Variants in NEK1 observed in about 807,000 individuals in gnomAD.
NEK1 encodes the protein serine/threonine-protein kinase Nek1.
A neutral mutation model predicts 182.1 loss-of-function variants in NEK1; 137 were observed. The ratio of observed to expected loss-of-function variants is 0.75; its 90% CI spans 0.65 to 0.87. NEK1 has a LOEUF of 0.87. NEK1 is among the 40% of genes least tolerant of loss of function. The pLI is 0.00. For synonymous variants in NEK1, 513 were observed against 492.2 expected (o/e 1.04, Z -0.56); for missense variants, 1,391 against 1,494.4 (o/e 0.93, Z 1.14).
chr4:169,566,062 G>A (rs752953959), intron 12 of NEK1, among the ~76,000 whole-genome samples: 4 of 152,076 alleles, frequency 2.6e-5, no homozygotes, highest in Non-Finnish European at 5.9e-5. Context: ...TTGACATGCT[G>A]CACAGGTTAA....
chr4:169,548,402 G>C (rs1316926182), intron 18 of NEK1, among the ~76,000 whole-genome samples: 1 of 152,144 alleles, frequency 6.6e-6, no homozygotes, highest in Non-Finnish European at 1.5e-5. Flanking sequence ...GAGTCTGTCG[G>C]CCCCTACTGG....
rs757861929 is a variant in NEK1, at chr4:169,479,496, T to C, written c.2046A>G (p.Pro682=). 5 of 1,610,978 alleles carry C rather than the reference T, an allele frequency of 3.1e-6. No homozygotes were observed. Among genetic ancestry groups the C allele is most frequent in the Non-Finnish European group, 4.2e-6 (5 of 1,178,744 alleles). The change falls in exon 24 of 36, where the codon CCA becomes CCG. Residue 682 remains proline, a synonymous_variant. Coordinates refer to ENST00000507142, the MANE Select transcript of NEK1 (RefSeq NM_001199397.3). ...CACCTGTTTCATGCTGTCCCAAAGG[T>C]GGAGAAACATCAGAACTCTTAACTC... ...AKGVKSSDVS[P]PLGQHETGGS...
rs117952929 is a variant in NEK1, at chr4:169,580,620, C to T, written c.868+222G>A. On this transcript the variant is annotated intron_variant, in intron 11 of 35. Coordinates refer to ENST00000507142, the MANE Select transcript of NEK1 (RefSeq NM_001199397.3). ...GGCATTTGATAAAGACATAAGATTT[C>T]AAGCCAGATTTCATTTAAATAAAAT... 3.0e-4 allele frequency among the ~76,000 whole-genome samples: 45 copies of T among 151,158 alleles called. 1 individual carries two copies. In the East Asian group the frequency reaches 8.3e-3, roughly 28 times the overall value.
chr4:169,507,445 G>A (rs925442269), intron 22 of NEK1, among the ~76,000 whole-genome samples: 4 of 151,660 alleles, frequency 2.6e-5, no homozygotes, highest in Admixed American at 6.6e-5. Flanking sequence ...ATGTATATTC[G>A]TATATTTTTT....
intron 16 of NEK1, among the ~76,000 whole-genome samples, chr4:169,558,354 T>C (rs1762438696): frequency 1.3e-5 from 2 of 152,322 alleles, no homozygotes; most frequent in South Asian, 2.1e-4. Context: ...TTCTGACAAA[T>C]GTAGACACTC....
At position 169,602,086 on chromosome 4, in the gene NEK1, CTCTT is replaced by C; in HGVS notation, c.132_135del (p.Arg45LysfsTer13). On this transcript the variant is annotated frameshift_variant, in exon 4 of 36. Transcript: ENST00000507142. LOFTEE classifies it high-confidence loss of function. ...ACTGCAACTTCTCTCCTTGATTCTT[CTCTT>C]TCTTTACTGGACATCTTAAATGGGA... is the stretch of plus-strand genomic sequence containing the variant. 6.2e-7 allele frequency: 1 copy of C among 1,612,722 alleles called. No homozygotes were observed. The highest frequency in any genetic ancestry group is 8.5e-7 in the Non-Finnish European group (1 of 1,178,976).
rs778428063 is a variant in NEK1, at chr4:169,602,669, A to AT, written c.-40dup. The AT allele has an allele frequency of 1.8e-6, 2 of 1,098,242 alleles. No individual in the cohort carries two copies. Among genetic ancestry groups the AT allele is most frequent in the Non-Finnish European group, 2.7e-6 (2 of 729,002 alleles). The allele number at this position is 1,098,242 out of a possible 1,614,324, so 68.0% of individuals were successfully genotyped here. ...AGGCATCTTTACAGATATGCTAGAC[A>AT]TTTAAAAAACTAACAAAAAAGATAA... On this transcript the variant is annotated 5_prime_UTR_variant, in exon 3 of 36. The change creates a new upstream start codon in the 5' untranslated region. Coordinates refer to ENST00000507142, the MANE Select transcript of NEK1 (RefSeq NM_001199397.3).
chr4:169,514,413 C>T (rs1754757584), intron 19 of NEK1, among the ~76,000 whole-genome samples: 1 of 152,192 alleles, frequency 6.6e-6, no homozygotes, highest in South Asian at 2.1e-4. Flanking sequence ...TCCACTACTA[C>T]TTCTGGGAAC....
At chr4:169,416,338 G>C (rs1011236393) in intron 31 of NEK1, among the ~76,000 whole-genome samples, 2 of 152,092 alleles carry the variant, frequency 1.3e-5, no homozygotes, top group East Asian at 3.8e-4. Context: ...TCCATTACAG[G>C]AATTATCATA....
At chr4:169,414,382 T>C (rs1734171770) in intron 31 of NEK1, among the ~76,000 whole-genome samples, 1 of 152,186 alleles carries the variant, frequency 6.6e-6, no homozygotes, top group Non-Finnish European at 1.5e-5. Flanking sequence ...TAGTAATCTC[T>C]TTCCAAAATT....
intron 29 of NEK1, among the ~76,000 whole-genome samples, chr4:169,429,278 C>T (rs1197047470): frequency 6.6e-6 from 1 of 152,110 alleles, no homozygotes; most frequent in Non-Finnish European, 1.5e-5. Flanking sequence ...TAGACTGTTG[C>T]AAATTATTGG....
intron 27 of NEK1, among the ~76,000 whole-genome samples, chr4:169,449,469 A>T (rs2149460759): frequency 6.6e-6 from 1 of 152,338 alleles, no homozygotes; most frequent in South Asian, 2.1e-4. Flanking sequence ...AGGAAGGATC[A>T]GGCAGCAATA....
chr4:169,473,822 C>A (rs966197457), intron 26 of NEK1, among the ~76,000 whole-genome samples: 6 of 152,034 alleles, frequency 3.9e-5, no homozygotes. Context: ...AGCACACGTG[C>A]GTGTGGGTAT....
At chr4:169,590,304 G>A (rs1370086401) in intron 6 of NEK1, among the ~76,000 whole-genome samples, 2 of 146,798 alleles carry the variant, frequency 1.4e-5, no homozygotes, top group African/African-American at 5.4e-5. Flanking sequence ...GCGAGACTCC[G>A]TCTCAAAAAC....
At chr4:169,595,381 T>A (rs2150113455) in intron 5 of NEK1, among the ~76,000 whole-genome samples, 1 of 152,336 alleles carries the variant, frequency 6.6e-6, no homozygotes, top group Non-Finnish European at 1.5e-5. Context: ...CAATTTAGAT[T>A]ATGTTTTTAT....
chr4:169,566,592 A>G (rs1763719052), intron 12 of NEK1, among the ~76,000 whole-genome samples: 1 of 152,240 alleles, frequency 6.6e-6, no homozygotes, highest in African/African-American at 2.4e-5. Flanking sequence ...AAAGTCTCAC[A>G]ATACATGAAT....
At chr4:169,507,184 T>G in intron 22 of NEK1, 52 bp from the exon 23 acceptor site, 1 of 581,224 alleles carries the variant, frequency 1.7e-6, no homozygotes, top group Non-Finnish European at 2.4e-6. Context: ...AGGGCAGAGG[T>G]TTTTTTTTTT....
chr4:169,430,247 A>G (rs1737172741), intron 29 of NEK1, among the ~76,000 whole-genome samples: 1 of 152,094 alleles, frequency 6.6e-6, no homozygotes, highest in Non-Finnish European at 1.5e-5. Flanking sequence ...CAGTGGCGCA[A>G]TCTTGGCTCA....
chr4:169,553,729 T>C (rs1013942465), intron 18 of NEK1, among the ~76,000 whole-genome samples: 3 of 152,162 alleles, frequency 2.0e-5, no homozygotes, highest in Non-Finnish European at 4.4e-5. Context: ...GATATACAGA[T>C]GGCATGAAGC....
Sources: gnomAD v4.1 joint callset for allele counts (sites outside exome capture counted in the v4.1 genomes callset) on GRCh38, gnomAD v4.1.1 for gene constraint, MANE v1.5 for transcripts, NCBI Gene and HGNC (gene_info 2026-07-23, HGNC 2026-07-21) for gene names.